GOLM1: variants seen among roughly 807,000 people sequenced by gnomAD.
The protein encoded by GOLM1 is epididymis luminal protein 46.
Under a neutral mutation model 50.5 loss-of-function variants are expected in GOLM1, and 31 were observed. The observed-to-expected ratio is 0.61, with a 90% CI of 0.46 to 0.83. The LOEUF is 0.83. Ranked by LOEUF, GOLM1 falls within the 40% of genes least tolerant of loss-of-function variation. The pLI is 0.00. For synonymous variants in GOLM1, 178 were observed against 192.8 expected, an observed-to-expected ratio of 0.92 and a Z score of 0.64; for missense variants, 491 against 501.3, an observed-to-expected ratio of 0.98 and a Z score of 0.20.
At chr9:86,043,726 G>A (rs771271591) in intron 5 of GOLM1, among the ~76,000 whole-genome samples, 14 of 152,176 alleles carry the variant, frequency 9.2e-5, no homozygotes, top group Non-Finnish European at 1.6e-4. Context: ...CCTGCCAGGA[G>A]CAAAAGGAGT....
intron 3 of GOLM1, among the ~76,000 whole-genome samples, chr9:86,069,709 T>TA (rs1160763265): frequency 6.6e-6 from 1 of 152,200 alleles, no homozygotes; most frequent in Non-Finnish European, 1.5e-5. Context: ...GGCAGAGGGT[T>TA]AGCTGAGGCC....
At chr9:86,096,005 C>T (rs902931010) in intron 1 of GOLM1, among the ~76,000 whole-genome samples, 2 of 152,116 alleles carry the variant, frequency 1.3e-5, no homozygotes, top group Non-Finnish European at 1.5e-5. Flanking sequence ...TGTATAATCC[C>T]CCTCTCTGTA....
At chr9:86,046,688 G>C in intron 4 of GOLM1, 116 bp from the exon 5 acceptor site, 1 of 695,176 alleles carries the variant, frequency 1.4e-6, no homozygotes, top group Non-Finnish European at 2.7e-6. Flanking sequence ...GGACAGATTG[G>C]GACAAAGGAG....
chr9:86,040,442 C>G (rs1833302090), intron 6 of GOLM1, among the ~76,000 whole-genome samples: 1 of 152,158 alleles, frequency 6.6e-6, no homozygotes, highest in Non-Finnish European at 1.5e-5. Context: ...AACTTAACCC[C>G]TCCCATGGGG....
intron 3 of GOLM1, among the ~76,000 whole-genome samples, chr9:86,053,878 C>T (rs1833907296): frequency 6.6e-6 from 1 of 151,344 alleles, no homozygotes; most frequent in African/African-American, 2.4e-5. Context: ...CTCACAACTG[C>T]ACAACTCTGC....
At chr9:86,066,310 G>A (rs1449501371) in intron 3 of GOLM1, among the ~76,000 whole-genome samples, 2 of 152,128 alleles carry the variant, frequency 1.3e-5, no homozygotes, top group African/African-American at 4.8e-5. Context: ...TGTGCAAGAG[G>A]AGAAACCGGG....
upstream of GOLM1, chr9:86,099,615 A>C (rs984143969): frequency 1.1e-4 from 17 of 148,198 alleles, no homozygotes; most frequent in African/African-American, 3.9e-4. Flanking sequence ...CGAAGGGAGG[A>C]GGCGGCGCCG....
chr9:86,073,523 CT>C (rs755122911), intron 3 of GOLM1, among the ~76,000 whole-genome samples: 3 of 152,304 alleles, frequency 2.0e-5, no homozygotes, highest in South Asian at 2.1e-4. Flanking sequence ...CAGAGACTTA[CT>C]TTCAGGGGGG....
At chr9:86,093,752 T>C (rs986399995) in intron 1 of GOLM1, among the ~76,000 whole-genome samples, 2 of 152,190 alleles carry the variant, frequency 1.3e-5, no homozygotes, top group Non-Finnish European at 2.9e-5. Context: ...CATATGAAAA[T>C]GGACAACATG....
chr9:86,052,475 A>C lies in GOLM1; in HGVS notation c.364+62T>G, dbSNP rs144364163. 9.8e-4 allele frequency: 1,372 copies of C among 1,398,836 alleles called. 12 individuals carry two copies. In the African/African-American group the frequency reaches 0.017, roughly 17 times the overall value. 86.7% of individuals were successfully genotyped at this position (1,398,836 alleles called of 1,614,324 possible). A position where few individuals can be genotyped will look rare whatever the true frequency, so the allele number is the denominator to read the frequency against. ...GAGACCCACCTGGGCCTAGAGAAGG[A>C]GAGAAAGGGAGTTTCCTCCTCAAAG... On this transcript the variant is annotated intron_variant, in intron 4 of 9. Coordinates refer to ENST00000388712, the MANE Select transcript of GOLM1 (RefSeq NM_016548.4).
intron 3 of GOLM1, among the ~76,000 whole-genome samples, chr9:86,065,608 T>TGGCAGCCCCC (rs1834285575): frequency 1.3e-5 from 2 of 152,286 alleles, no homozygotes; most frequent in African/African-American, 2.4e-5. Context: ...CGAGCAGACC[T>TGGCAGCCCCC]GGCAGCCCCC....
intron 3 of GOLM1, among the ~76,000 whole-genome samples, chr9:86,054,503 C>T (rs759169865): frequency 7.9e-5 from 12 of 152,266 alleles, no homozygotes; most frequent in Admixed American, 3.3e-4. Flanking sequence ...GGATTACAGG[C>T]GTGAGCCACT....
intron 1 of GOLM1, among the ~76,000 whole-genome samples, chr9:86,084,532 A>G (rs897280280): frequency 3.3e-5 from 5 of 152,182 alleles, no homozygotes; most frequent in African/African-American, 1.2e-4. Flanking sequence ...GCACGGTTAA[A>G]AAGATATTAC....
chr9:86,050,963 C>T (rs1027207554), intron 4 of GOLM1, among the ~76,000 whole-genome samples: 1 of 152,136 alleles, frequency 6.6e-6, no homozygotes, highest in Non-Finnish European at 1.5e-5. Context: ...GTTAGGGTGT[C>T]AATTTTAGAT....
At chr9:86,053,726 G>GCCACACCA (rs1293342967) in intron 3 of GOLM1, among the ~76,000 whole-genome samples, 2 of 878 alleles carry the variant, frequency 2.3e-3, no homozygotes, top group East Asian at 0.019. Flanking sequence ...ATCACAGACT[G>GCCACACCA]CTCCACTCCA....
chr9:86,054,115 G>A (rs942134817), intron 3 of GOLM1, among the ~76,000 whole-genome samples: 11 of 152,258 alleles, frequency 7.2e-5, no homozygotes, highest in African/African-American at 2.2e-4. Context: ...AGTAGAGGAG[G>A]ACAGAAGCCA....
chr9:86,038,842 C>A (rs1348361332), intron 6 of GOLM1, among the ~76,000 whole-genome samples: 2 of 152,054 alleles, frequency 1.3e-5, no homozygotes, highest in East Asian at 3.8e-4. Context: ...AACGATAAAA[C>A]TCTGAGAAGA....
At chr9:86,095,308 A>T (rs1422919894) in intron 1 of GOLM1, among the ~76,000 whole-genome samples, 1 of 151,850 alleles carries the variant, frequency 6.6e-6, no homozygotes, top group East Asian at 1.9e-4. Context: ...AGCTGTCTGT[A>T]ACCTCTGCCT....
At chr9:86,032,170 T>TTTG (rs1321933279) in intron 9 of GOLM1, among the ~76,000 whole-genome samples, 1 of 151,892 alleles carries the variant, frequency 6.6e-6, no homozygotes, top group Non-Finnish European at 1.5e-5. Context: ...CTTGGATTCT[T>TTTG]TTGTTGTTGT....
Sources: allele counts gnomAD v4.1 joint callset (sites outside exome capture counted in the v4.1 genomes callset), GRCh38; gene constraint gnomAD v4.1.1; transcripts MANE v1.5; gene names NCBI Gene and HGNC (gene_info 2026-07-23, HGNC 2026-07-21).